The following MGAT5 variants were observed in gnomAD, a reference collection of about 807,000 sequenced individuals.
MGAT5 encodes the protein alpha-1,6-mannosylglycoprotein 6-beta-N-acetylglucosaminyltransferase A.
Under a neutral mutation model 94.3 loss-of-function variants are expected in MGAT5, and 30 were observed. That is an observed-to-expected ratio of 0.32 (90% CI 0.24 to 0.43). MGAT5 has a LOEUF of 0.43. Among genes scored for constraint, MGAT5 ranks in the 20% least tolerant of loss-of-function variants. The pLI is 1.00. For synonymous variants in MGAT5, 310 were observed against 322.9 expected (o/e 0.96, Z 0.43); for missense variants, 691 against 905.5 (o/e 0.76, Z 3.04).
intron 10 of MGAT5, among the ~76,000 whole-genome samples, chr2:134,382,979 T>TA (rs371666447): frequency 7.7e-4 from 118 of 152,304 alleles, no homozygotes; most frequent in African/African-American, 2.8e-3. Flanking sequence ...TATATAAACT[T>TA]AGTTGGTAGC....
chr2:134,180,196 C>T (rs573027870), intron 1 of MGAT5, among the ~76,000 whole-genome samples: 7 of 152,308 alleles, frequency 4.6e-5, no homozygotes, highest in East Asian at 1.9e-4. Context: ...CCCATGCTGC[C>T]GCTCTGCCTG....
chr2:134,120,142 G>T (rs1227686094), upstream of MGAT5: 3 of 154,322 alleles, frequency 1.9e-5, no homozygotes. Flanking sequence ...GCTCGGCGGC[G>T]GCCCTGCGGC....
intron 10 of MGAT5, among the ~76,000 whole-genome samples, chr2:134,374,968 TC>T (rs1451926264): frequency 1.3e-5 from 2 of 152,114 alleles, no homozygotes; most frequent in Non-Finnish European, 2.9e-5. Context: ...ACTGGATAAA[TC>T]GAGACTCTTG....
chr2:134,277,516 A>G (rs1414753549), intron 2 of MGAT5, among the ~76,000 whole-genome samples: 1 of 152,174 alleles, frequency 6.6e-6, no homozygotes, highest in African/African-American at 2.4e-5. Flanking sequence ...TGAGAACAGC[A>G]TGAGGGAAAC....
intron 2 of MGAT5, among the ~76,000 whole-genome samples, chr2:134,276,038 G>A (rs1684339916): frequency 1.3e-5 from 2 of 152,176 alleles, no homozygotes; most frequent in Admixed American, 1.3e-4. Flanking sequence ...AGAATCTGGT[G>A]CCAGCAGATA....
At chr2:134,423,944 G>A (rs16830596) in intron 13 of MGAT5, among the ~76,000 whole-genome samples, 16,254 of 152,214 alleles carry the variant, frequency 0.11, 1,263 homozygotes, top group African/African-American at 0.21. Context: ...CGGTGCCCAC[G>A]TAGGGATTTA....
At chr2:134,214,730 C>A (rs1680379464) in intron 1 of MGAT5, among the ~76,000 whole-genome samples, 1 of 152,056 alleles carries the variant, frequency 6.6e-6, no homozygotes, top group Non-Finnish European at 1.5e-5. Flanking sequence ...TGGGGAGGAA[C>A]AAATATTTAT....
At chr2:134,126,826 C>T (rs1173574591) in intron 1 of MGAT5, among the ~76,000 whole-genome samples, 1 of 152,086 alleles carries the variant, frequency 6.6e-6, no homozygotes. Context: ...TCTACACATT[C>T]AGTGTGTAAC....
chr2:134,306,786 A>G (rs1024254579), intron 2 of MGAT5, among the ~76,000 whole-genome samples: 1 of 152,160 alleles, frequency 6.6e-6, no homozygotes, highest in African/African-American at 2.4e-5. Context: ...TATGTGATTA[A>G]TAAAAGGCAG....
chr2:134,301,420 A>G (rs964614304), intron 2 of MGAT5, among the ~76,000 whole-genome samples: 5 of 152,140 alleles, frequency 3.3e-5, no homozygotes, highest in Admixed American at 6.5e-5. Context: ...TTTAACATCT[A>G]TAGGAATTAT....
chr2:134,297,360 TC>T (rs1473269805), intron 2 of MGAT5, among the ~76,000 whole-genome samples: 1 of 151,976 alleles, frequency 6.6e-6, no homozygotes, highest in Non-Finnish European at 1.5e-5. Flanking sequence ...CACAGATTCT[TC>T]CATGAAATAT....
At chr2:134,409,525 T>A (rs928431067) in intron 11 of MGAT5, among the ~76,000 whole-genome samples, 1 of 152,240 alleles carries the variant, frequency 6.6e-6, no homozygotes, top group Non-Finnish European at 1.5e-5. Flanking sequence ...AATGGATTCA[T>A]CAATTCATTT....
chr2:134,285,846 C>T (rs754443848), intron 2 of MGAT5, among the ~76,000 whole-genome samples: 4 of 152,108 alleles, frequency 2.6e-5, no homozygotes, highest in South Asian at 4.1e-4. Flanking sequence ...CTACATGGCT[C>T]CTCTCTGTTT....
chr2:134,353,858 T>C (rs1400607485), intron 9 of MGAT5, among the ~76,000 whole-genome samples: 1 of 152,126 alleles, frequency 6.6e-6, no homozygotes, highest in Non-Finnish European at 1.5e-5. Context: ...CTTTATCCTA[T>C]TGAGATGTGC....
chr2:134,387,315 TA>T lies in MGAT5; in HGVS notation c.1381-15672del, dbSNP rs1558847369. ...AAGTTATGTATGATATATATATATA[TA>T]TATATATATATATATATTTTTTTTT... On this transcript the variant is annotated intron_variant, in intron 10 of 15. Coordinates refer to ENST00000281923, the MANE Select transcript of MGAT5 (RefSeq NM_002410.5). Among the ~76,000 whole-genome samples the T allele has an allele frequency of 1.8e-4, 8 of 45,586 alleles. No individual in the cohort carries two copies. The East Asian group carries it at 2.8e-3, about 16-fold the overall frequency. The allele number at this position is 45,586 out of a possible 152,430, so 29.9% of individuals were successfully genotyped here. A position where few individuals can be genotyped will look rare whatever the true frequency, so the allele number is the denominator to read the frequency against.
rs919386819 is a variant in MGAT5 at position 134,137,528 on chromosome 2, G to T, written c.-143+17237G>T. ...GCAGACTTGAAGTCATTGCTGTGCT[G>T]CCATGGGCATCTCTTTCCACTTGTA... On this transcript the variant is annotated intron_variant, in intron 1 of 16. Transcript: ENST00000409645. Among the ~76,000 whole-genome samples, 11 of 152,326 alleles carry T rather than the reference G, an allele frequency of 7.2e-5. No homozygotes were observed. In the East Asian group the frequency reaches 1.4e-3, roughly 19 times the overall value.
At chr2:134,143,613 C>T (rs530031414) in intron 1 of MGAT5, among the ~76,000 whole-genome samples, 78 of 152,122 alleles carry the variant, frequency 5.1e-4, no homozygotes, top group Middle Eastern at 6.8e-3. Context: ...ATCAGGCAGG[C>T]GCCTGGAAAT....
Position 134,254,260 on chromosome 2 carries a change from A to G in MGAT5, c.-144A>G. The G allele has an allele frequency of 1.1e-6, 1 of 950,530 alleles. No homozygotes were observed. The highest frequency in any genetic ancestry group is 1.7e-5 in the South Asian group (1 of 59,956). 58.9% of individuals were successfully genotyped at this position (950,530 alleles called of 1,614,324 possible). A position where few individuals can be genotyped will look rare whatever the true frequency, so the allele number is the denominator to read the frequency against. ...TTGGCTAATTCTTCTCCTCCTTCAC[A>G]GCAGAATGGAAGTGAGGAAAGGCAA... On this transcript the variant is annotated 5_prime_UTR_variant, in exon 1 of 16. Transcript: ENST00000281923.
At chr2:134,432,882 C>T (rs1317482811) in intron 14 of MGAT5, among the ~76,000 whole-genome samples, 1 of 152,178 alleles carries the variant, frequency 6.6e-6, no homozygotes, top group Non-Finnish European at 1.5e-5. Flanking sequence ...TACGAGTTGC[C>T]GCAGGAGCCC....
Sources: allele counts gnomAD v4.1 joint callset (sites outside exome capture counted in the v4.1 genomes callset), GRCh38; gene constraint gnomAD v4.1.1; transcripts MANE v1.5; gene names NCBI Gene and HGNC (gene_info 2026-07-23, HGNC 2026-07-21).